The following ATP10D variants were observed in gnomAD, a reference collection of about 807,000 sequenced individuals.
ATP10D encodes the protein ATPase phospholipid transporting 10D (putative), also known as phospholipid-transporting ATPase VD.
Under a neutral mutation model 144.8 loss-of-function variants are expected in ATP10D, and 89 were observed. That is an observed-to-expected ratio of 0.61 (90% CI 0.52 to 0.73). The LOEUF is 0.73. Among genes scored for constraint, ATP10D ranks in the 30% least tolerant of loss-of-function variants. The pLI is 0.00. For missense variants in ATP10D, 1,603 were observed against 1,714.8 expected, an observed-to-expected ratio of 0.93 and a Z score of 1.15; for synonymous variants, 571 against 615.1, an observed-to-expected ratio of 0.93 and a Z score of 1.06.
At chr4:47,581,012 G>A (rs574274124) in intron 20 of ATP10D, among the ~76,000 whole-genome samples, 1 of 152,230 alleles carries the variant, frequency 6.6e-6, no homozygotes, top group East Asian at 1.9e-4. Flanking sequence ...GCAGTGAACT[G>A]TGATTGCACC....
intron 1 of ATP10D, among the ~76,000 whole-genome samples, chr4:47,505,892 G>A (rs1003862043): frequency 1.3e-5 from 2 of 151,804 alleles, no homozygotes; most frequent in African/African-American, 4.8e-5. Context: ...TCAAACTGTT[G>A]GCTGGTGATG....
chr4:47,542,712 CAG>C (rs1453476352), intron 9 of ATP10D, among the ~76,000 whole-genome samples: 7 of 152,244 alleles, frequency 4.6e-5, no homozygotes, highest in African/African-American at 1.4e-4. Context: ...CTCCTGACCT[CAG>C]GTGATCCACC....
intron 9 of ATP10D, among the ~76,000 whole-genome samples, chr4:47,543,180 C>T (rs1188029660): frequency 1.3e-5 from 2 of 152,052 alleles, no homozygotes; most frequent in African/African-American, 4.8e-5. Context: ...TAATCTTTTA[C>T]TATGCCTAAT....
At chr4:47,516,446 T>G (rs1716693333) in intron 3 of ATP10D, among the ~76,000 whole-genome samples, 1 of 152,180 alleles carries the variant, frequency 6.6e-6, no homozygotes, top group Non-Finnish European at 1.5e-5. Context: ...AGTCTTAAAC[T>G]GTAGTGTATA....
intron 1 of ATP10D, among the ~76,000 whole-genome samples, chr4:47,512,294 T>C (rs1018668651): frequency 1.9e-4 from 29 of 152,240 alleles, no homozygotes; most frequent in Admixed American, 2.6e-4. Context: ...TGTCTCTTGT[T>C]AAGCAACATG....
At chr4:47,582,680 G>A (rs1213454920) in intron 21 of ATP10D, among the ~76,000 whole-genome samples, 4 of 152,032 alleles carry the variant, frequency 2.6e-5, no homozygotes, top group Non-Finnish European at 2.9e-5. Context: ...TTTTAACGGA[G>A]GTAATTTGCA....
At position 47,546,732 on chromosome 4, in the gene ATP10D, G is replaced by A. The variant is rs368473880; in HGVS notation, c.1505G>A (p.Arg502Lys). 1.5e-5 allele frequency: 24 copies of A among 1,614,002 alleles called. No individual in the cohort carries two copies. Among genetic ancestry groups the A allele is most frequent in the Non-Finnish European group, 2.0e-5 (24 of 1,180,004 alleles). ...GCAAAACCGAGAGCCCCCAGCTGCA[G>A]GACAGTTCATAATGGGCCTTTGGGA... ...NMAKPRAPSC[R>K]TVHNGPLGNK... The change falls in exon 10 of 23, where the codon AGG becomes AAG. Residue 502 changes from arginine (R) to lysine (K), a missense_variant. By Grantham distance (26) the Arg-to-Lys change is conservative. Transcript: ENST00000273859.
At position 47,569,128 on chromosome 4, in the gene ATP10D, G is replaced by A. The variant is rs568892444; in HGVS notation, c.3145G>A (p.Val1049Met). ...VVKLVRSHLQ[V>M]MTLAIGDGAN... ...GAAATTGGTCCGCAGCCATCTCCAG[G>A]TGATGACCCTTGCTATTGGTGAGTG... is the stretch of plus-strand genomic sequence containing the variant. Residue 1049 changes from valine (V) to methionine (M), a missense_variant, in exon 16 of 23, where the codon GTG (valine) becomes ATG (methionine). Val to Met is a conservative substitution (Grantham distance 21). Transcript: ENST00000273859. 1.1e-5 allele frequency: 18 copies of A among 1,613,406 alleles called. No individual in the cohort carries two copies. The South Asian group carries it at 2.0e-4, about 18-fold the overall frequency.
intron 1 of ATP10D, among the ~76,000 whole-genome samples, chr4:47,502,502 A>G (rs1466527495): frequency 1.3e-5 from 2 of 150,968 alleles, no homozygotes; most frequent in Non-Finnish European, 3.0e-5. Context: ...TGTATTGAAG[A>G]AGAGAAGCAT....
At chr4:47,522,076 G>C (rs1716970895) in intron 3 of ATP10D, among the ~76,000 whole-genome samples, 1 of 152,114 alleles carries the variant, frequency 6.6e-6, no homozygotes, top group South Asian at 2.1e-4. Flanking sequence ...ATGGATATTT[G>C]GGAGACAATG....
In ATP10D at chr4:47,572,199, G is replaced by A. The variant is rs1182887197; in HGVS notation, c.3209G>A (p.Gly1070Glu). 1 of 1,614,018 alleles carries A rather than the reference G, an allele frequency of 6.2e-7. No homozygotes were observed. ...AGCATGATACAAGTGGCAGACATTGGGATAGGGGTCTCAGGTCAAGAAGGC... is the reference window on the plus strand; with the variant it reads ...AGCATGATACAAGTGGCAGACATTGAGATAGGGGTCTCAGGTCAAGAAGGC... ...DVSMIQVADI[G>E]IGVSGQEGMQ... is the part of the protein sequence containing the mutation. Residue 1070 changes from glycine (G) to glutamate (E), a missense_variant, in exon 17 of 23, where the codon GGG becomes GAG. By Grantham distance (98) the Gly-to-Glu change is moderately conservative. Transcript: ENST00000273859.
intron 1 of ATP10D, among the ~76,000 whole-genome samples, chr4:47,486,957 G>T (rs563193886): frequency 6.6e-6 from 1 of 152,232 alleles, no homozygotes; most frequent in Admixed American, 6.5e-5. Context: ...AGGGCCGGGC[G>T]CAGTGGCTCA....
rs749516555 is a variant in ATP10D at position 47,515,587 on chromosome 4, C to T, written c.402C>T (p.Ile134=). 9 of 1,613,028 alleles carry T rather than the reference C, an allele frequency of 5.6e-6. No individual in the cohort carries two copies. The highest frequency in any genetic ancestry group is 1.7e-4 in the Middle Eastern group (1 of 6,056). The change falls in exon 3 of 23, where the codon ATC becomes ATT. Residue 134 remains isoleucine, a synonymous_variant. Coordinates refer to ENST00000273859, the MANE Select transcript of ATP10D (RefSeq NM_020453.4). ...MLPLVVVLTI[I]AIKDGLEDYR... Reference sequence around the variant, plus strand: ...CTCTGGTGGTGGTCCTTACAATTATCGCAATTAAAGATGGCCTGGAAGATT... The same window carrying T: ...CTCTGGTGGTGGTCCTTACAATTATTGCAATTAAAGATGGCCTGGAAGATT...
In ATP10D at chr4:47,569,001, T is replaced by G; in HGVS notation, c.3018T>G (p.Phe1006Leu). ...GLIITGKTLE[F>L]ALQESLQKQF... ...TTATCACTGGGAAGACCCTGGAGTT[T>G]GCCCTGCAAGAAAGTCTGCAAAAGC... The change falls in exon 16 of 23, where the codon TTT (phenylalanine) becomes TTG (leucine). Residue 1006 changes from phenylalanine (F) to leucine (L), a missense_variant. By Grantham distance (22) the Phe-to-Leu change is conservative. Transcript: ENST00000273859. 1.2e-6 allele frequency: 2 copies of G among 1,614,222 alleles called. No individual in the cohort carries two copies. The highest frequency in any genetic ancestry group is 1.7e-6 in the Non-Finnish European group (2 of 1,180,034).
chr4:47,546,620 A>G lies in ATP10D; in HGVS notation c.1397-4A>G. 3 of 1,613,580 alleles carry G rather than the reference A, an allele frequency of 1.9e-6. No individual in the cohort carries two copies. ...ATTGACTCAGTGTGCTTTTTATCCC[A>G]CAGCCAGGAGGTTGGAGTCCTATCA... On this transcript the variant is annotated splice_region_variant and splice_polypyrimidine_tract_variant and intron_variant, in intron 9 of 22. Coordinates refer to ENST00000273859, the MANE Select transcript of ATP10D (RefSeq NM_020453.4).
chr4:47,539,849 C>T (rs1718042184), intron 9 of ATP10D, among the ~76,000 whole-genome samples: 1 of 152,102 alleles, frequency 6.6e-6, no homozygotes, highest in Non-Finnish European at 1.5e-5. Flanking sequence ...TAATACTAGC[C>T]CTCCTCCACT....
chr4:47,542,078 A>G (rs1037402175), intron 9 of ATP10D, among the ~76,000 whole-genome samples: 9 of 151,830 alleles, frequency 5.9e-5, no homozygotes, highest in African/African-American at 2.4e-5. Flanking sequence ...TATCAATATT[A>G]TAATAAACCT....
chr4:47,520,129 C>G (rs1716869910), intron 3 of ATP10D, among the ~76,000 whole-genome samples: 1 of 152,180 alleles, frequency 6.6e-6, no homozygotes, highest in African/African-American at 2.4e-5. Flanking sequence ...ATATGAAATT[C>G]CTAACCCAAA....
intron 1 of ATP10D, among the ~76,000 whole-genome samples, chr4:47,486,848 G>T (rs1714785986): frequency 6.6e-6 from 1 of 152,122 alleles, no homozygotes; most frequent in African/African-American, 2.4e-5. Context: ...GAAAAAGAGG[G>T]AAAATCTAAG....
Sources: allele counts gnomAD v4.1 joint callset (sites outside exome capture counted in the v4.1 genomes callset), GRCh38; gene constraint gnomAD v4.1.1; transcripts MANE v1.5; gene names NCBI Gene and HGNC (gene_info 2026-07-23, HGNC 2026-07-21).